The following CDYL variants were observed in gnomAD, a reference collection of about 807,000 sequenced individuals.
The protein encoded by CDYL is chromodomain Y-like protein.
In CDYL, 8 loss-of-function variants were observed where a neutral mutation model predicts 47.3. The ratio of observed to expected loss-of-function variants is 0.17; its 90% CI spans 0.10 to 0.31. The LOEUF (loss-of-function observed/expected upper bound fraction) is 0.31, where lower values mean the gene tolerates loss of function less well. Ranked by LOEUF, CDYL falls within the 10% of genes least tolerant of loss-of-function variation. CDYL has a pLI of 1.00. For synonymous variants in CDYL, 266 were observed against 265.0 expected (o/e 1.00, Z -0.04); for missense variants, 471 against 701.4 (o/e 0.67, Z 3.71).
intron 1 of CDYL, among the ~76,000 whole-genome samples, chr6:4,828,462 C>T (rs1760041667): frequency 6.6e-6 from 1 of 151,998 alleles, no homozygotes; most frequent in South Asian, 2.1e-4. Flanking sequence ...TTTCTACCTT[C>T]CATGATTTCT....
chr6:4,806,691 C>G (rs541628775), intron 1 of CDYL, among the ~76,000 whole-genome samples: 39 of 152,276 alleles, frequency 2.6e-4, no homozygotes, highest in Admixed American at 1.6e-3. Context: ...CTTCCTTCTG[C>G]GACGGTTCCT....
chr6:4,905,700 T>C (rs546816640), intron 2 of CDYL, among the ~76,000 whole-genome samples: 1 of 152,398 alleles, frequency 6.6e-6, no homozygotes, highest in South Asian at 2.1e-4. Context: ...TTCTGCATGC[T>C]GCACGCCTCT....
At chr6:4,939,479 A>G (rs1321343362) in intron 4 of CDYL, among the ~76,000 whole-genome samples, 1 of 152,202 alleles carries the variant, frequency 6.6e-6, no homozygotes, top group African/African-American at 2.4e-5. Flanking sequence ...ATTTTCTCAT[A>G]TGATGTACAC....
At chr6:4,900,779 GTATATATA>G (rs59594195) in intron 2 of CDYL, among the ~76,000 whole-genome samples, 4,488 of 51,660 alleles carry the variant, frequency 0.087, 1,090 homozygotes, top group Middle Eastern at 0.14. Context: ...GTATACGTGT[GTATATATA>G]TATATATATA....
Position 4,888,609 on chromosome 6 carries a change from T to G in CDYL, c.25-3104T>G, listed in dbSNP as rs114853940. Among the ~76,000 whole-genome samples, 1,170 of 152,308 alleles carry G rather than the reference T, an allele frequency of 7.7e-3. 17 individuals carry two copies. Among genetic ancestry groups the G allele is most frequent in the African/African-American group, 0.027 (1,128 of 41,578 alleles). ...TTTTGGTTGTGTTGCTTTTAAAATATTGCTTTTCAGTTTATTAAGTTCTAA... is the reference window on the plus strand; with the variant it reads ...TTTTGGTTGTGTTGCTTTTAAAATAGTGCTTTTCAGTTTATTAAGTTCTAA... On this transcript the variant is annotated intron_variant, in intron 1 of 6. Coordinates refer to ENST00000397588, the MANE Select transcript of CDYL (RefSeq NM_004824.4).
At position 4,810,040 on chromosome 6, in the gene CDYL, G is replaced by A. The variant is rs1034125477; in HGVS notation, c.24+33233G>A. The stretch of plus-strand genomic sequence containing the variant: ...GTCCTTGGTGATATTTTGTATGGTA[G>A]GGGTATTATATTAGTCCTTGGTGAT... On this transcript the variant is annotated intron_variant, in intron 1 of 6. Transcript: ENST00000397588. 2.0e-5 allele frequency among the ~76,000 whole-genome samples: 3 copies of A among 152,044 alleles called. No homozygotes were observed. In the East Asian group the frequency reaches 5.8e-4, roughly 29 times the overall value.
intron 2 of CDYL, among the ~76,000 whole-genome samples, chr6:4,925,502 C>G (rs185718985): frequency 1.3e-5 from 2 of 149,392 alleles, no homozygotes; most frequent in African/African-American, 4.9e-5. Flanking sequence ...AGCTCCGCCT[C>G]CCAGGTTCAC....
intron 2 of CDYL, among the ~76,000 whole-genome samples, chr6:4,927,920 C>T (rs1208071998): frequency 1.3e-5 from 2 of 152,076 alleles, no homozygotes; most frequent in Non-Finnish European, 2.9e-5. Context: ...AAGACTTTTG[C>T]TATTTATTGA....
chr6:4,783,474 T>C (rs1389579498), intron 1 of CDYL, among the ~76,000 whole-genome samples: 1 of 151,366 alleles, frequency 6.6e-6, no homozygotes, highest in Admixed American at 6.6e-5. Context: ...TGGAGTGCAG[T>C]GGCATGATCT....
chr6:4,819,003 TCCTGATAC>T (rs1331684492), intron 1 of CDYL, among the ~76,000 whole-genome samples: 2 of 152,142 alleles, frequency 1.3e-5, no homozygotes, highest in Non-Finnish European at 2.9e-5. Context: ...TGGGAGTGCT[TCCTGATAC>T]CCCACAGAGG....
intron 1 of CDYL, among the ~76,000 whole-genome samples, chr6:4,850,178 T>A (rs1207419209): frequency 6.6e-6 from 1 of 152,362 alleles, no homozygotes; most frequent in East Asian, 1.9e-4. Context: ...TGCTTCACGC[T>A]AATTGCCAGT....
chr6:4,915,491 G>A (rs1053755728), intron 2 of CDYL, among the ~76,000 whole-genome samples: 1 of 152,162 alleles, frequency 6.6e-6, no homozygotes. Context: ...TAATGTGGGG[G>A]ATGGGGGCAG....
In CDYL at chr6:4,826,645, A is replaced by G. The variant is rs1038308493; in HGVS notation, c.24+49838A>G. Among the ~76,000 whole-genome samples the G allele has an allele frequency of 3.3e-5, 5 of 152,092 alleles. No individual in the cohort carries two copies. The East Asian group carries it at 7.7e-4, about 23-fold the overall frequency. ...AGGAGGGTGTTGTTTTAATTTCCAC[A>G]TATTTGTGGATTTTCCCATTTTTCT... is the stretch of plus-strand genomic sequence containing the variant. On this transcript the variant is annotated intron_variant, in intron 1 of 6. Transcript: ENST00000397588.
intron 2 of CDYL, among the ~76,000 whole-genome samples, chr6:4,734,060 G>T (rs1360883817): frequency 1.3e-5 from 2 of 151,974 alleles, no homozygotes. Context: ...GGCTGGTCTC[G>T]AATTCCTGGC....
intron 1 of CDYL, among the ~76,000 whole-genome samples, chr6:4,818,735 G>A (rs1031072398): frequency 2.0e-5 from 3 of 152,156 alleles, no homozygotes; most frequent in Admixed American, 6.5e-5. Flanking sequence ...CCGTAGTAGA[G>A]ATGCTAAATG....
chr6:4,739,520 CAAA>C (rs34838574), intron 3 of CDYL, among the ~76,000 whole-genome samples: 2 of 80,294 alleles, frequency 2.5e-5, no homozygotes, highest in African/African-American at 5.1e-5. Context: ...AACTCTGACT[CAAA>C]AAAAAAAAAA....
At chr6:4,840,588 C>A (rs1760458291) in intron 1 of CDYL, among the ~76,000 whole-genome samples, 2 of 152,074 alleles carry the variant, frequency 1.3e-5, no homozygotes, top group African/African-American at 4.8e-5. Context: ...GCTGATTTTG[C>A]TGAGGGTTTT....
intron 1 of CDYL, among the ~76,000 whole-genome samples, chr6:4,841,423 T>G (rs1266473236): frequency 6.6e-6 from 1 of 152,172 alleles, no homozygotes; most frequent in East Asian, 1.9e-4. Flanking sequence ...TTGTTATTTC[T>G]TCTGCTGGGT....
intron 2 of CDYL, among the ~76,000 whole-genome samples, chr6:4,925,129 A>G (rs1581268651): frequency 1.3e-5 from 2 of 152,102 alleles, no homozygotes; most frequent in African/African-American, 4.8e-5. Flanking sequence ...TGTTTTGTGT[A>G]TTCCTGCCTA....
Sources: gnomAD v4.1 joint callset for allele counts (sites outside exome capture counted in the v4.1 genomes callset) on GRCh38, gnomAD v4.1.1 for gene constraint, MANE v1.5 for transcripts, NCBI Gene and HGNC (gene_info 2026-07-23, HGNC 2026-07-21) for gene names.